Variants in CNBD1 observed in about 807,000 individuals in gnomAD.
CNBD1 encodes the protein cyclic nucleotide-binding domain-containing protein 1.
Under a neutral mutation model 54.4 loss-of-function variants are expected in CNBD1, and 71 were observed. The observed-to-expected ratio is 1.30, with a 90% CI of 1.08 to 1.59. CNBD1 has a LOEUF of 1.59. CNBD1 is among the 40% of genes most tolerant of loss of function. The pLI is 0.00. For synonymous variants in CNBD1, 182 were observed against 170.7 expected, an observed-to-expected ratio of 1.07 and a Z score of -0.51; for missense variants, 659 against 518.0, an observed-to-expected ratio of 1.27 and a Z score of -2.64.
chr8:87,118,176 G>A (rs1437631404), intron 4 of CNBD1, among the ~76,000 whole-genome samples: 4 of 151,790 alleles, frequency 2.6e-5, no homozygotes, highest in Admixed American at 2.0e-4. Flanking sequence ...TTAGCCAGGC[G>A]TGGTGGCATG....
chr8:87,260,461 T>C (rs1808113514), intron 6 of CNBD1, among the ~76,000 whole-genome samples: 1 of 152,170 alleles, frequency 6.6e-6, no homozygotes. Flanking sequence ...AACAAATTCA[T>C]AGCACAAAAT....
intron 4 of CNBD1, among the ~76,000 whole-genome samples, chr8:87,103,853 A>G (rs1194323726): frequency 6.6e-6 from 1 of 152,230 alleles, no homozygotes; most frequent in Non-Finnish European, 1.5e-5. Flanking sequence ...CAAGAGTATG[A>G]TGACCCTGAA....
intron 3 of CNBD1, among the ~76,000 whole-genome samples, chr8:86,921,954 G>C (rs1288523686): frequency 2.6e-5 from 4 of 152,116 alleles, no homozygotes; most frequent in Non-Finnish European, 5.9e-5. Context: ...GGGGGTGTCA[G>C]AGGAAGACTT....
chr8:87,092,999 C>A (rs1811248241), intron 4 of CNBD1, among the ~76,000 whole-genome samples: 1 of 152,182 alleles, frequency 6.6e-6, no homozygotes, highest in Admixed American at 6.5e-5. Context: ...TCCAATTCAT[C>A]ACTAAGTCTT....
intron 8 of CNBD1, among the ~76,000 whole-genome samples, chr8:87,339,229 A>G (rs1290493978): frequency 6.6e-6 from 1 of 152,198 alleles, no homozygotes; most frequent in Non-Finnish European, 1.5e-5. Context: ...GATACTTACT[A>G]TAAGTACATG....
At chr8:87,009,784 C>G (rs1255987580) in intron 4 of CNBD1, among the ~76,000 whole-genome samples, 1 of 152,100 alleles carries the variant, frequency 6.6e-6, no homozygotes, top group Non-Finnish European at 1.5e-5. Context: ...GTGACAAATT[C>G]TCTTGGCTTT....
intron 6 of CNBD1, among the ~76,000 whole-genome samples, chr8:87,279,578 A>G (rs890647323): frequency 1.3e-5 from 2 of 151,422 alleles, no homozygotes; most frequent in Admixed American, 6.6e-5. Flanking sequence ...GCTGTACTAT[A>G]GTAGGCAAAG....
intron 10 of CNBD1, among the ~76,000 whole-genome samples, chr8:87,371,827 A>G (rs141299610): frequency 0.018 from 2,731 of 151,530 alleles, 82 homozygotes; most frequent in African/African-American, 0.059. Flanking sequence ...AGGTATTGAC[A>G]GGACATATCT....
chr8:87,342,859 C>G (rs540688405), intron 8 of CNBD1, among the ~76,000 whole-genome samples: 1 of 152,230 alleles, frequency 6.6e-6, no homozygotes, highest in African/African-American at 2.4e-5. Context: ...CACGCATTGT[C>G]TTGATAAACA....
chr8:86,931,462 T>G (rs1809456577), intron 3 of CNBD1, among the ~76,000 whole-genome samples: 1 of 137,362 alleles, frequency 7.3e-6, no homozygotes. Flanking sequence ...AGGGGGTGGC[T>G]TATTTCTCAT....
intron 4 of CNBD1, among the ~76,000 whole-genome samples, chr8:87,023,225 TACAC>T (rs1442231142): frequency 2.0e-5 from 3 of 152,122 alleles, no homozygotes; most frequent in African/African-American, 7.2e-5. Context: ...AGATGAAAAA[TACAC>T]ACACATTGCT....
chr8:86,916,746 C>T (rs1363811719), intron 3 of CNBD1, among the ~76,000 whole-genome samples: 1 of 151,920 alleles, frequency 6.6e-6, no homozygotes, highest in African/African-American at 2.4e-5. Flanking sequence ...CTCTGTCACC[C>T]AAGCTGGAGT....
intron 4 of CNBD1, among the ~76,000 whole-genome samples, chr8:87,142,169 G>A (rs1812383572): frequency 6.6e-6 from 1 of 152,136 alleles, no homozygotes; most frequent in Non-Finnish European, 1.5e-5. Flanking sequence ...GGAACGTTAT[G>A]AAAAGAAGGT....
At chr8:87,139,476 G>A (rs758358480) in intron 4 of CNBD1, among the ~76,000 whole-genome samples, 17 of 152,090 alleles carry the variant, frequency 1.1e-4, no homozygotes, top group Non-Finnish European at 2.5e-4. Flanking sequence ...TGCAGTCCTC[G>A]TTTCATATTT....
At chr8:87,250,423 A>G (rs1807892073) in intron 6 of CNBD1, among the ~76,000 whole-genome samples, 1 of 152,208 alleles carries the variant, frequency 6.6e-6, no homozygotes, top group South Asian at 2.1e-4. Context: ...GGAGTTCCTC[A>G]AAAATATAAA....
At chr8:87,229,581 C>T (rs1260931021) in intron 5 of CNBD1, among the ~76,000 whole-genome samples, 3 of 151,958 alleles carry the variant, frequency 2.0e-5, no homozygotes, top group African/African-American at 4.8e-5. Context: ...ATGTCAAATA[C>T]TCTTTGAATT....
intron 4 of CNBD1, among the ~76,000 whole-genome samples, chr8:87,096,141 T>A (rs369385632): frequency 6.6e-6 from 1 of 152,168 alleles, no homozygotes; most frequent in East Asian, 1.9e-4. Context: ...ACAGTGGCTG[T>A]ATTAGCTTGG....
Position 87,031,745 on chromosome 8 carries a change from A to G in CNBD1, c.431+91991A>G, listed in dbSNP as rs1355255801. On this transcript the variant is annotated intron_variant, in intron 4 of 10. Coordinates refer to ENST00000518476, the MANE Select transcript of CNBD1 (RefSeq NM_173538.3). ...TAAACCCTTCCTTTACGTTCTTATC[A>G]TTTATTTATTTTTGAGATGGAGTCT... Among the ~76,000 whole-genome samples the G allele has an allele frequency of 2.6e-5, 4 of 151,906 alleles. No individual in the cohort carries two copies. In the East Asian group the frequency reaches 7.8e-4, roughly 30 times the overall value.
intron 4 of CNBD1, among the ~76,000 whole-genome samples, chr8:87,174,345 A>T (rs879837373): frequency 2.6e-5 from 4 of 152,110 alleles, no homozygotes; most frequent in Non-Finnish European, 5.9e-5. Context: ...TGGCTGATAA[A>T]TTCTGTTATT....
Sources: gnomAD v4.1 joint callset for allele counts (sites outside exome capture counted in the v4.1 genomes callset) on GRCh38, gnomAD v4.1.1 for gene constraint, MANE v1.5 for transcripts, NCBI Gene and HGNC (gene_info 2026-07-23, HGNC 2026-07-21) for gene names.